Variants in DPP8 observed in about 807,000 individuals in gnomAD.
The protein encoded by DPP8 is dipeptidyl peptidase 8.
Under a neutral mutation model 107.5 loss-of-function variants are expected in DPP8, and 31 were observed. The ratio of observed to expected loss-of-function variants is 0.29; its 90% confidence interval spans 0.22 to 0.39. The LOEUF (loss-of-function observed/expected upper bound fraction) is 0.39. Among genes scored for constraint, DPP8 ranks in the 10% least tolerant of loss-of-function variants. The pLI is 1.00. For missense variants in DPP8, 842 were observed against 1,076.1 expected, an observed-to-expected ratio of 0.78 and a Z score of 3.04; for synonymous variants, 381 against 356.6, an observed-to-expected ratio of 1.07 and a Z score of -0.77.
Position 65,470,948 on chromosome 15 carries a change from G to A in DPP8, c.1536+3261C>T, listed in dbSNP as rs1199379222. On this transcript the variant is annotated intron_variant, in intron 12 of 19. Transcript: ENST00000300141. ...AAAAAAAAAAAAGAGGGAAAATAGA[G>A]AAGAGGGAAAGACAGACTAACGTAT... Among the ~76,000 whole-genome samples, 814 of 149,706 alleles carry A rather than the reference G, an allele frequency of 5.4e-3. 5 individuals carry two copies. The highest frequency in any genetic ancestry group is 0.02 in the African/African-American group (781 of 39,700).
Position 65,499,105 on chromosome 15 carries a change from G to GTATATA in DPP8, c.547-1079_547-1074dup, listed in dbSNP as rs139177822. On this transcript the variant is annotated intron_variant, in intron 4 of 19. Coordinates refer to ENST00000300141, the MANE Select transcript of DPP8 (RefSeq NM_130434.5). ...TGTGTGTGTGTGTGTGTGTGTGTGTGTATATATAAATTTATTAAGATGAAT... is the reference window on the plus strand; with the variant it reads ...TGTGTGTGTGTGTGTGTGTGTGTGTGTATATATATATATAAATTTATTAAGATGAAT... Among the ~76,000 whole-genome samples the GTATATA allele has an allele frequency of 1.2e-3, 165 of 138,828 alleles. 1 individual carries two copies. Among genetic ancestry groups the GTATATA allele is most frequent in the African/African-American group, 4.2e-3 (157 of 37,666 alleles). 91.1% of individuals were successfully genotyped at this position (138,828 alleles called of 152,430 possible). A position where few individuals can be genotyped will look rare whatever the true frequency, so the allele number is the denominator to read the frequency against.
chr15:65,516,027 A>C (rs1450838038), intron 1 of DPP8: 4 of 401,580 alleles, frequency 1.0e-5, no homozygotes, highest in African/African-American at 8.2e-5. Context: ...CTAACATAGC[A>C]AACTTTGGTG....
chr15:65,460,758 T>C (rs140691115), intron 15 of DPP8, among the ~76,000 whole-genome samples: 1 of 152,352 alleles, frequency 6.6e-6, no homozygotes, highest in African/African-American at 2.4e-5. Context: ...CACTGCCTTT[T>C]GGCTATTGTG....
chr15:65,471,231 AT>A (rs1161976019), intron 12 of DPP8, among the ~76,000 whole-genome samples: 1 of 152,212 alleles, frequency 6.6e-6, no homozygotes, highest in African/African-American at 2.4e-5. Context: ...ACAGAAAAAA[AT>A]ATTTGGAAAC....
chr15:65,459,529 C>T (rs1031986340), intron 15 of DPP8: 2 of 152,006 alleles, frequency 1.3e-5, no homozygotes, highest in Admixed American at 6.6e-5. Context: ...AGAAAGAAAT[C>T]AATAAATCAT....
chr15:65,474,078 C>A (rs1740663846), intron 12 of DPP8, 131 bp downstream of exon 12: 2 of 682,172 alleles, frequency 2.9e-6, no homozygotes, highest in Admixed American at 4.4e-5. Context: ...CACTCCAGCC[C>A]TAGGCGACAG....
intron 12 of DPP8, among the ~76,000 whole-genome samples, chr15:65,471,524 T>TA (rs2065899230): frequency 6.6e-6 from 1 of 151,384 alleles, no homozygotes; most frequent in South Asian, 2.1e-4. Context: ...TTTTTTTTTT[T>TA]TTTTTTTGGT....
At position 65,487,787 on chromosome 15, in the gene DPP8, T is replaced by A. The variant is rs749779466; in HGVS notation, c.858A>T (p.Leu286=). ...CCTCAGATTCATCATTTTCTTCATA[T>A]AGAATTCTAAGAATTTTACCACCAC... The part of the protein sequence containing the change: ...TPSGGKILRI[L]YEENDESEVE... The change falls in exon 7 of 20, where the codon CTA becomes CTT. Residue 286 remains leucine (L), a synonymous_variant. Coordinates refer to ENST00000300141, the MANE Select transcript of DPP8 (RefSeq NM_130434.5). 1 of 1,580,750 alleles carries A rather than the reference T, an allele frequency of 6.3e-7. No homozygotes were observed. Among genetic ancestry groups the A allele is most frequent in the African/African-American group, 1.4e-5 (1 of 73,946 alleles).
At chr15:65,470,058 A>C (rs2065723789) in intron 12 of DPP8, among the ~76,000 whole-genome samples, 1 of 151,134 alleles carries the variant, frequency 6.6e-6, no homozygotes, top group African/African-American at 2.4e-5. Context: ...TTAGCTGGGC[A>C]TGGTGATGGG....
At chr15:65,514,464 C>T (rs900798508) in intron 1 of DPP8, among the ~76,000 whole-genome samples, 2 of 152,126 alleles carry the variant, frequency 1.3e-5, no homozygotes, top group African/African-American at 2.4e-5. Context: ...CTAGTGGAGG[C>T]CTACTTTCTA....
chr15:65,451,881 T>G (rs2064004797), intron 18 of DPP8, 79 bp downstream of exon 18: 2 of 1,396,566 alleles, frequency 1.4e-6, no homozygotes, highest in Non-Finnish European at 1.9e-6. Context: ...GCCCTGATCA[T>G]GCCACTACAC....
At chr15:65,453,139 T>C (rs2064116625) in intron 17 of DPP8, among the ~76,000 whole-genome samples, 1 of 152,194 alleles carries the variant, frequency 6.6e-6, no homozygotes, top group African/African-American at 2.4e-5. Context: ...GTTTACAGAA[T>C]TGTAAGCATT....
intron 12 of DPP8, among the ~76,000 whole-genome samples, chr15:65,469,616 G>A (rs2065669953): frequency 7.5e-6 from 1 of 132,600 alleles, no homozygotes; most frequent in Admixed American, 8.6e-5. Flanking sequence ...TCATGCCATT[G>A]CACTCTAGCC....
intron 3 of DPP8, among the ~76,000 whole-genome samples, chr15:65,506,345 T>TAATA (rs1047876704): frequency 1.3e-5 from 2 of 151,862 alleles, no homozygotes; most frequent in South Asian, 2.1e-4. Context: ...AAAATGATAA[T>TAATA]AATAAATAAA....
intron 1 of DPP8, 162 bp from the exon 2 acceptor site, chr15:65,512,726 C>A: frequency 1.5e-6 from 1 of 665,456 alleles, no homozygotes; most frequent in Non-Finnish European, 2.5e-6. Context: ...AACAGCTCTC[C>A]CTTCTCTGTG....
intron 3 of DPP8, among the ~76,000 whole-genome samples, chr15:65,501,335 G>A (rs892449503): frequency 6.6e-6 from 1 of 152,088 alleles, no homozygotes; most frequent in Admixed American, 6.6e-5. Flanking sequence ...ATACATTAGA[G>A]AACAAGAATA....
chr15:65,485,234 T>C, intron 7 of DPP8, 74 bp from the exon 8 acceptor site: 10 of 1,140,428 alleles, frequency 8.8e-6, no homozygotes, highest in Non-Finnish European at 1.3e-5. Flanking sequence ...ATCAATCCTC[T>C]TTACACTTTA....
chr15:65,471,145 A>G lies in DPP8; in HGVS notation c.1536+3064T>C, dbSNP rs56404302. Among the ~76,000 whole-genome samples the G allele has an allele frequency of 3.1e-3, 466 of 152,324 alleles. 1 individual carries two copies. Among genetic ancestry groups the G allele is most frequent in the African/African-American group, 0.011 (449 of 41,576 alleles). ...CATAGCACGAAATTTACATCAGTGTAGTTTTCTGTTTTCAGAACCTAGAAT... is the reference window on the plus strand; with the variant it reads ...CATAGCACGAAATTTACATCAGTGTGGTTTTCTGTTTTCAGAACCTAGAAT... On this transcript the variant is annotated intron_variant, in intron 12 of 19. Coordinates refer to ENST00000300141, the MANE Select transcript of DPP8 (RefSeq NM_130434.5).
chr15:65,468,822 T>C (rs906414359), intron 12 of DPP8, among the ~76,000 whole-genome samples: 17 of 152,144 alleles, frequency 1.1e-4, no homozygotes, highest in Non-Finnish European at 2.2e-4. Flanking sequence ...AACCAGTCAA[T>C]TCCTCACCAC....
Sources: gnomAD v4.1 joint callset for allele counts (sites outside exome capture counted in the v4.1 genomes callset) on GRCh38, gnomAD v4.1.1 for gene constraint, MANE v1.5 for transcripts, NCBI Gene and HGNC (gene_info 2026-07-23, HGNC 2026-07-21) for gene names.